Variants in KSR2 observed in about 807,000 individuals in gnomAD.
KSR2 encodes kinase suppressor of ras 2.
A neutral mutation model predicts 107.8 loss-of-function variants in KSR2; 25 were observed. That is an observed-to-expected ratio of 0.23 (90% CI 0.17 to 0.32). The LOEUF (loss-of-function observed/expected upper bound fraction) is 0.32, where lower values mean the gene tolerates loss of function less well. KSR2 is among the 10% of genes least tolerant of loss of function. The pLI, the probability that KSR2 is intolerant of heterozygous loss-of-function variation, is 1.00. For synonymous variants in KSR2, 480 were observed against 507.0 expected, an observed-to-expected ratio of 0.95 and a Z score of 0.71; for missense variants, 887 against 1,268.9, an observed-to-expected ratio of 0.70 and a Z score of 4.57.
intron 4 of KSR2, among the ~76,000 whole-genome samples, chr12:117,749,174 C>T (rs556094909): frequency 5.9e-4 from 88 of 148,860 alleles, no homozygotes; most frequent in African/African-American, 2.0e-3. Flanking sequence ...GACACAGGTG[C>T]TTGACATGGG....
chr12:117,521,814 C>T (rs1391029357), intron 14 of KSR2, among the ~76,000 whole-genome samples: 1 of 152,158 alleles, frequency 6.6e-6, no homozygotes, highest in Admixed American at 6.5e-5. Flanking sequence ...GCCAGCCAAT[C>T]GTGCGAATGC....
intron 1 of KSR2, among the ~76,000 whole-genome samples, chr12:117,913,852 C>T (rs187250758): frequency 5.1e-4 from 77 of 152,278 alleles, no homozygotes; most frequent in African/African-American, 1.8e-3. Context: ...AAGTTCTCCA[C>T]GCTGGAGTCT....
chr12:117,854,289 G>A (rs992798098), intron 3 of KSR2, among the ~76,000 whole-genome samples: 8 of 152,236 alleles, frequency 5.3e-5, no homozygotes, highest in Non-Finnish European at 1.0e-4. Flanking sequence ...TTACAGGCGT[G>A]AGCCAGTGTG....
intron 8 of KSR2, among the ~76,000 whole-genome samples, chr12:117,557,389 T>A (rs1877778685): frequency 6.6e-6 from 1 of 152,146 alleles, no homozygotes; most frequent in South Asian, 2.1e-4. Context: ...TTAGTTTATG[T>A]CTGACTCCTG....
In KSR2 at chr12:117,731,036, C is replaced by T. The variant is rs180960471; in HGVS notation, c.986+29975G>A. On this transcript the variant is annotated intron_variant, in intron 4 of 19. Transcript: ENST00000339824. ...CTGGGAAGTGAGGAGCACCTCTTCC[C>T]GGCCGCCATCCCGTCTAGGAAGTGA... 4.7e-4 allele frequency among the ~76,000 whole-genome samples: 72 copies of T among 151,960 alleles called. 1 individual carries two copies. The East Asian group carries it at 8.4e-3, about 18-fold the overall frequency.
intron 1 of KSR2, among the ~76,000 whole-genome samples, chr12:117,918,094 G>A (rs1318368547): frequency 1.3e-5 from 2 of 152,162 alleles, no homozygotes; most frequent in Non-Finnish European, 2.9e-5. Context: ...CAATAGAAAT[G>A]TATTTCTGAT....
intron 5 of KSR2, among the ~76,000 whole-genome samples, chr12:117,640,934 C>T (rs1217024390): frequency 5.3e-5 from 8 of 152,162 alleles, no homozygotes; most frequent in African/African-American, 1.7e-4. Flanking sequence ...CACTGGGAAA[C>T]GGACTCATTA....
At chr12:117,874,514 T>C (rs1311003651) in intron 1 of KSR2, among the ~76,000 whole-genome samples, 4 of 152,186 alleles carry the variant, frequency 2.6e-5, no homozygotes, top group Non-Finnish European at 5.9e-5. Flanking sequence ...ATTACAGGCA[T>C]GAGCCACAGT....
intron 3 of KSR2, among the ~76,000 whole-genome samples, chr12:117,786,579 G>A (rs1231544592): frequency 1.3e-5 from 2 of 152,130 alleles, no homozygotes; most frequent in East Asian, 1.9e-4. Context: ...ACTTTGGGAG[G>A]CCGAGGCAGG....
At chr12:117,951,445 T>C (rs964020276) in intron 1 of KSR2, among the ~76,000 whole-genome samples, 15 of 152,156 alleles carry the variant, frequency 9.9e-5, no homozygotes, top group African/African-American at 3.6e-4. Flanking sequence ...GCTTCAGTGC[T>C]CAAGTCCAAG....
At chr12:117,530,816 T>C (rs573284416) in intron 12 of KSR2, 125 bp downstream of exon 12, 14 of 813,498 alleles carry the variant, frequency 1.7e-5, no homozygotes, top group Non-Finnish European at 2.7e-5. Context: ...CCCTTGTACA[T>C]CTCCCTCTGC....
intron 1 of KSR2, among the ~76,000 whole-genome samples, chr12:117,876,410 G>T (rs1893851988): frequency 6.6e-6 from 1 of 152,206 alleles, no homozygotes; most frequent in African/African-American, 2.4e-5. Context: ...AACAGTCTGG[G>T]GCAGTCCCGC....
chr12:117,699,629 C>T (rs955609959), intron 4 of KSR2, among the ~76,000 whole-genome samples: 5 of 152,134 alleles, frequency 3.3e-5, no homozygotes, highest in African/African-American at 9.7e-5. Flanking sequence ...AAGATTAAAA[C>T]GGTACACCTG....
chr12:117,900,441 T>C (rs998256840), intron 1 of KSR2, among the ~76,000 whole-genome samples: 2 of 152,108 alleles, frequency 1.3e-5, no homozygotes, highest in Admixed American at 1.3e-4. Context: ...CAAAGAACAT[T>C]AGATAGATGC....
intron 1 of KSR2, among the ~76,000 whole-genome samples, chr12:117,952,612 G>C (rs966527900): frequency 6.6e-6 from 1 of 152,166 alleles, no homozygotes; most frequent in African/African-American, 2.4e-5. Context: ...GGAGGCGGAG[G>C]CTACAGTGAG....
chr12:117,480,601 CG>C (rs1367025352), intron 16 of KSR2, among the ~76,000 whole-genome samples: 3 of 151,896 alleles, frequency 2.0e-5, no homozygotes, highest in Admixed American at 6.6e-5. Context: ...GGCTTGGTGG[CG>C]GGGGGGTCTC....
At chr12:117,638,210 G>A (rs933474500) in intron 5 of KSR2, among the ~76,000 whole-genome samples, 4 of 152,062 alleles carry the variant, frequency 2.6e-5, no homozygotes, top group African/African-American at 4.8e-5. Context: ...CTCTTCCCAC[G>A]TCTTCCTGCA....
At chr12:117,717,667 GT>G (rs1887040804) in intron 4 of KSR2, among the ~76,000 whole-genome samples, 3 of 3,052 alleles carry the variant, frequency 9.8e-4, no homozygotes, top group Admixed American at 3.6e-3. Context: ...GGGCAGACAG[GT>G]GTGTGTGTGT....
In KSR2 at chr12:117,599,878, A is replaced by G. The variant is rs141459931; in HGVS notation, c.1172-17519T>C. ...TGACCATGGTGGGGGAGACAACGGA[A>G]GGAGACGGGGAACAAGGAAATATCA... On this transcript the variant is annotated intron_variant, in intron 5 of 19. Coordinates refer to ENST00000339824, the MANE Select transcript of KSR2 (RefSeq NM_173598.6). 2.7e-3 allele frequency among the ~76,000 whole-genome samples: 418 copies of G among 152,322 alleles called. 5 individuals are homozygous for G. The highest frequency in any genetic ancestry group is 5.1e-4 in the Non-Finnish European group (35 of 68,024).
Sources: allele counts gnomAD v4.1 joint callset (sites outside exome capture counted in the v4.1 genomes callset), GRCh38; gene constraint gnomAD v4.1.1; transcripts MANE v1.5; gene names NCBI Gene and HGNC (gene_info 2026-07-23, HGNC 2026-07-21).